CERS6: variants seen among roughly 807,000 people sequenced by gnomAD.
The protein encoded by CERS6 is LAG1 homolog, ceramide synthase 6.
Under a neutral mutation model 56.8 loss-of-function variants are expected in CERS6, and 26 were observed. The ratio of observed to expected loss-of-function variants is 0.46; its 90% CI spans 0.34 to 0.63. CERS6 has a LOEUF of 0.63. Ranked by LOEUF, CERS6 falls within the 30% of genes least tolerant of loss-of-function variation. The pLI is 0.01. For missense variants in CERS6, 415 were observed against 467.5 expected, an observed-to-expected ratio of 0.89 and a Z score of 1.04; for synonymous variants, 164 against 173.3, an observed-to-expected ratio of 0.95 and a Z score of 0.42.
chr2:168,719,388 C>T (rs1019429793), intron 8 of CERS6, among the ~76,000 whole-genome samples: 4 of 152,126 alleles, frequency 2.6e-5, no homozygotes, highest in African/African-American at 9.7e-5. Context: ...TACATTATAG[C>T]AGATATATTT....
chr2:168,593,921 C>T (rs1683734534), intron 3 of CERS6, among the ~76,000 whole-genome samples: 1 of 152,186 alleles, frequency 6.6e-6, no homozygotes, highest in Non-Finnish European at 1.5e-5. Flanking sequence ...ACCATGAATA[C>T]TCTGTTACTC....
At chr2:168,701,251 G>A (rs1686798525) in intron 6 of CERS6, among the ~76,000 whole-genome samples, 1 of 152,204 alleles carries the variant, frequency 6.6e-6, no homozygotes, top group Non-Finnish European at 1.5e-5. Flanking sequence ...AGCTTATCCT[G>A]ACTGGCACAG....
chr2:168,551,576 C>T (rs1695572537), intron 2 of CERS6, among the ~76,000 whole-genome samples: 1 of 152,102 alleles, frequency 6.6e-6, no homozygotes, highest in African/African-American at 2.4e-5. Context: ...CTTTGAATAA[C>T]CATCTCACAG....
intron 4 of CERS6, among the ~76,000 whole-genome samples, chr2:168,676,686 T>A (rs1284500484): frequency 6.6e-6 from 1 of 152,178 alleles, no homozygotes; most frequent in Non-Finnish European, 1.5e-5. Flanking sequence ...AAAATGGCGC[T>A]CTATGAAAAA....
At chr2:168,478,706 G>A (rs1901833) in intron 1 of CERS6, among the ~76,000 whole-genome samples, 2,939 of 152,238 alleles carry the variant, frequency 0.019, 68 homozygotes, top group African/African-American at 0.052. Flanking sequence ...TATCACTGGA[G>A]CTGGTTAGGC....
chr2:168,738,021 T>C (rs1343205713), intron 8 of CERS6, among the ~76,000 whole-genome samples: 3 of 152,220 alleles, frequency 2.0e-5, no homozygotes, highest in Non-Finnish European at 2.9e-5. Context: ...ATGAGTTGAT[T>C]ATTATTAAAG....
chr2:168,758,960 T>C (rs1349930769), intron 8 of CERS6, among the ~76,000 whole-genome samples: 3 of 152,146 alleles, frequency 2.0e-5, no homozygotes, highest in African/African-American at 7.2e-5. Flanking sequence ...AAAAAAAAGA[T>C]TGTGAACTGT....
At chr2:168,722,942 C>A (rs1363119082) in intron 8 of CERS6, among the ~76,000 whole-genome samples, 1 of 151,650 alleles carries the variant, frequency 6.6e-6, no homozygotes, top group Non-Finnish European at 1.5e-5. Flanking sequence ...CAATGCCTGG[C>A]CTTGCTGTTC....
chr2:168,648,938 G>T (rs1418970884), intron 4 of CERS6, among the ~76,000 whole-genome samples: 1 of 152,180 alleles, frequency 6.6e-6, no homozygotes, highest in Non-Finnish European at 1.5e-5. Flanking sequence ...TATGTGCTAT[G>T]TGATGATGAG....
At chr2:168,637,954 G>T (rs1684900613) in intron 4 of CERS6, among the ~76,000 whole-genome samples, 1 of 151,860 alleles carries the variant, frequency 6.6e-6, no homozygotes, top group African/African-American at 2.4e-5. Context: ...ATAGGATTAG[G>T]TATACCTAGG....
At chr2:168,557,454 A>G (rs1323254024) in intron 2 of CERS6, among the ~76,000 whole-genome samples, 1 of 152,220 alleles carries the variant, frequency 6.6e-6, no homozygotes, top group African/African-American at 2.4e-5. Flanking sequence ...ATTCATTTAG[A>G]AAAAGTATAA....
At chr2:168,744,162 C>G (rs1406103467) in intron 8 of CERS6, among the ~76,000 whole-genome samples, 3 of 151,494 alleles carry the variant, frequency 2.0e-5, no homozygotes, top group Admixed American at 6.6e-5. Flanking sequence ...CCCACCACCA[C>G]GCCCGGCTAA....
At chr2:168,645,694 C>T (rs968606686) in intron 4 of CERS6, among the ~76,000 whole-genome samples, 2 of 152,130 alleles carry the variant, frequency 1.3e-5, no homozygotes, top group Non-Finnish European at 2.9e-5. Context: ...TCCTCCCACC[C>T]ACCACCGTCA....
chr2:168,515,177 T>A (rs535397053), intron 1 of CERS6, among the ~76,000 whole-genome samples: 1 of 152,316 alleles, frequency 6.6e-6, no homozygotes, highest in African/African-American at 2.4e-5. Context: ...TACTGAATAG[T>A]TCAGTTGTCT....
chr2:168,705,847 C>T (rs1299304949), intron 6 of CERS6, among the ~76,000 whole-genome samples: 1 of 146,982 alleles, frequency 6.8e-6, no homozygotes, highest in Non-Finnish European at 1.5e-5. Context: ...ATTGCAACAA[C>T]AAAAAAAAAA....
At chr2:168,594,037 T>C (rs1038504788) in intron 3 of CERS6, among the ~76,000 whole-genome samples, 10 of 152,272 alleles carry the variant, frequency 6.6e-5, no homozygotes, top group Non-Finnish European at 1.5e-4. Flanking sequence ...TTAAAAACTT[T>C]CAAAATTATT....
chr2:168,701,075 A>T (rs1055821326), intron 6 of CERS6, among the ~76,000 whole-genome samples: 2 of 152,152 alleles, frequency 1.3e-5, no homozygotes, highest in Non-Finnish European at 2.9e-5. Flanking sequence ...TAGCACAGTG[A>T]TTGGTAACAC....
chr2:168,638,063 G>GAA (rs59768436), intron 4 of CERS6, among the ~76,000 whole-genome samples: 1 of 150,192 alleles, frequency 6.7e-6, no homozygotes, highest in South Asian at 2.1e-4. Context: ...TGTTTGGTCT[G>GAA]AAAAAAAAAA....
At chr2:168,657,834 C>T (rs1406591410) in intron 4 of CERS6, among the ~76,000 whole-genome samples, 1 of 152,232 alleles carries the variant, frequency 6.6e-6, no homozygotes, top group Non-Finnish European at 1.5e-5. Flanking sequence ...CCACACCTCC[C>T]TGCAGGCTGA....
Sources: allele counts gnomAD v4.1 joint callset (sites outside exome capture counted in the v4.1 genomes callset), GRCh38; gene constraint gnomAD v4.1.1; transcripts MANE v1.5; gene names NCBI Gene and HGNC (gene_info 2026-07-23, HGNC 2026-07-21).